The following SLC2A13 variants were observed in gnomAD, a reference collection of about 807,000 sequenced individuals.
SLC2A13 encodes solute carrier family 2 member 13, also known as proton myo-inositol cotransporter.
A neutral mutation model predicts 64.4 loss-of-function variants in SLC2A13; 32 were observed. The ratio of observed to expected loss-of-function variants is 0.50; its 90% CI spans 0.37 to 0.67. The LOEUF (loss-of-function observed/expected upper bound fraction) is 0.67. Among genes scored for constraint, SLC2A13 ranks in the 30% least tolerant of loss-of-function variants. The pLI, the probability that SLC2A13 is intolerant of heterozygous loss-of-function variation, is 0.00. For missense variants in SLC2A13, 743 were observed against 829.2 expected, an observed-to-expected ratio of 0.90 and a Z score of 1.28; for synonymous variants, 338 against 327.1, an observed-to-expected ratio of 1.03 and a Z score of -0.36.
chr12:39,927,009 A>G (rs1176785075), intron 4 of SLC2A13, among the ~76,000 whole-genome samples: 1 of 152,242 alleles, frequency 6.6e-6, no homozygotes, highest in Non-Finnish European at 1.5e-5. Context: ...GACAATTGAT[A>G]AAGCAATCCA....
chr12:40,080,386 G>A lies in SLC2A13; in HGVS notation c.556+24867C>T, dbSNP rs139913113. Among the ~76,000 whole-genome samples the A allele has an allele frequency of 2.1e-3, 325 of 152,040 alleles. 3 individuals are homozygous for A. The highest frequency in any genetic ancestry group is 7.3e-3 in the African/African-American group (303 of 41,494). On this transcript the variant is annotated intron_variant, in intron 1 of 9. Coordinates refer to ENST00000280871, the MANE Select transcript of SLC2A13 (RefSeq NM_052885.4). Reference sequence around the variant, plus strand: ...CAAAGTGGGCATTTATCCTGTTTATGTTCAAGGTTTTGTTTTGTTTTTGAG... The same window carrying A: ...CAAAGTGGGCATTTATCCTGTTTATATTCAAGGTTTTGTTTTGTTTTTGAG...
Position 40,048,151 on chromosome 12 carries a change from C to A in SLC2A13, c.616G>T (p.Gly206Cys). The A allele has an allele frequency of 6.2e-7, 1 of 1,613,630 alleles. No homozygotes were observed. The highest frequency in any genetic ancestry group is 8.5e-7 in the Non-Finnish European group (1 of 1,179,766). ...IAEVSPPNLR[G>C]RLVTINTLFI... is the part of the protein sequence containing the mutation. Reference sequence around the variant, plus strand: ...AGGGTATTAATGGTGACTAATCGGCCTCTTAAATTGGGTGGTGAGACCTCC... The same window carrying A: ...AGGGTATTAATGGTGACTAATCGGCATCTTAAATTGGGTGGTGAGACCTCC... Residue 206 changes from glycine (G) to cysteine (C), a missense_variant, in exon 2 of 10, where the codon GGC becomes TGC. This residue lies in a region of SLC2A13 where 448 missense variants were observed against 447.4 expected (regional missense o/e 1.00). Transcript: ENST00000280871.
chr12:39,893,543 G>A (rs561876835), intron 4 of SLC2A13, among the ~76,000 whole-genome samples: 1 of 152,286 alleles, frequency 6.6e-6, no homozygotes, highest in South Asian at 2.1e-4. Context: ...CAGGTGATCT[G>A]CCCGCCTTGG....
intron 1 of SLC2A13, among the ~76,000 whole-genome samples, chr12:40,091,954 T>C (rs1163253386): frequency 6.6e-6 from 1 of 152,194 alleles, no homozygotes; most frequent in African/African-American, 2.4e-5. Context: ...AATAACTCTA[T>C]GAATTAGGTT....
chr12:40,095,591 C>T (rs894597137), intron 1 of SLC2A13, among the ~76,000 whole-genome samples: 1 of 152,202 alleles, frequency 6.6e-6, no homozygotes, highest in Non-Finnish European at 1.5e-5. Context: ...GGAGGTTCCT[C>T]CTAGCTTTTT....
At chr12:39,934,354 G>A (rs774381338) in intron 4 of SLC2A13, among the ~76,000 whole-genome samples, 19 of 152,174 alleles carry the variant, frequency 1.2e-4, no homozygotes, top group East Asian at 3.8e-4. Flanking sequence ...AATGCTAATC[G>A]AATGTTGATT....
chr12:40,087,533 C>T (rs967421984), intron 1 of SLC2A13, among the ~76,000 whole-genome samples: 12 of 152,294 alleles, frequency 7.9e-5, no homozygotes, highest in African/African-American at 2.2e-4. Context: ...AATTTCTACA[C>T]ATTCTTCTGT....
intron 3 of SLC2A13, among the ~76,000 whole-genome samples, chr12:39,966,991 G>C (rs1013442951): frequency 9.2e-5 from 14 of 151,952 alleles, no homozygotes; most frequent in Non-Finnish European, 1.8e-4. Context: ...ATCTACATAT[G>C]GCTGTTTTAT....
chr12:40,089,029 A>G (rs1017769430), intron 1 of SLC2A13, among the ~76,000 whole-genome samples: 1 of 152,200 alleles, frequency 6.6e-6, no homozygotes, highest in African/African-American at 2.4e-5. Flanking sequence ...CTTTAAGAGC[A>G]CAAGATTATT....
chr12:40,045,894 C>CT (rs540180064), intron 2 of SLC2A13, among the ~76,000 whole-genome samples: 2 of 152,244 alleles, frequency 1.3e-5, no homozygotes, highest in East Asian at 3.9e-4. Context: ...CACTTTAAAT[C>CT]TTTTTTTCTC....
At chr12:39,914,171 G>C (rs10877772) in intron 4 of SLC2A13, among the ~76,000 whole-genome samples, 1 of 151,720 alleles carries the variant, frequency 6.6e-6, no homozygotes, top group Non-Finnish European at 1.5e-5. Context: ...CTGCATGTCC[G>C]AGGCTGTGTG....
intron 1 of SLC2A13, among the ~76,000 whole-genome samples, chr12:40,071,766 T>A (rs948800531): frequency 1.3e-4 from 20 of 152,150 alleles, no homozygotes; most frequent in African/African-American, 4.8e-4. Flanking sequence ...GTCCATGGAA[T>A]CTGTAGTGCT....
chr12:39,931,324 T>C (rs1032360062), intron 4 of SLC2A13, among the ~76,000 whole-genome samples: 3 of 152,178 alleles, frequency 2.0e-5, no homozygotes, highest in African/African-American at 7.2e-5. Flanking sequence ...TAATGCCTGC[T>C]ACTAAATGAG....
chr12:39,821,209 C>T (rs1003648571), intron 7 of SLC2A13, among the ~76,000 whole-genome samples: 1 of 151,990 alleles, frequency 6.6e-6, no homozygotes, highest in Non-Finnish European at 1.5e-5. Flanking sequence ...GTCAGGAGAT[C>T]GAGACCATCC....
At chr12:39,892,037 A>C (rs1944623817) in intron 4 of SLC2A13, among the ~76,000 whole-genome samples, 1 of 152,202 alleles carries the variant, frequency 6.6e-6, no homozygotes, top group South Asian at 2.1e-4. Context: ...TCCTATAAAG[A>C]AGAGAAGATC....
intron 7 of SLC2A13, among the ~76,000 whole-genome samples, chr12:39,786,170 AG>A (rs1566787580): frequency 6.6e-6 from 1 of 152,152 alleles, no homozygotes; most frequent in Non-Finnish European, 1.5e-5. Context: ...TCTCAACTTG[AG>A]GTATATCTCC....
chr12:39,847,086 C>T (rs1943338334), intron 6 of SLC2A13, among the ~76,000 whole-genome samples: 1 of 152,152 alleles, frequency 6.6e-6, no homozygotes, highest in African/African-American at 2.4e-5. Flanking sequence ...AAGACAACCA[C>T]ATTTCTTGTC....
At chr12:39,822,996 A>G (rs867285135) in intron 7 of SLC2A13, among the ~76,000 whole-genome samples, 4 of 152,190 alleles carry the variant, frequency 2.6e-5, no homozygotes, top group Admixed American at 1.3e-4. Flanking sequence ...CGAGTCTGCA[A>G]TATAGTCACT....
chr12:39,982,536 GACAA>G (rs1555146680), intron 3 of SLC2A13, among the ~76,000 whole-genome samples: 5 of 151,010 alleles, frequency 3.3e-5, no homozygotes, highest in African/African-American at 4.9e-5. Context: ...ACCAACAACA[GACAA>G]ACAGAGAGCC....
Sources: allele counts gnomAD v4.1 joint callset (sites outside exome capture counted in the v4.1 genomes callset), GRCh38; gene constraint gnomAD v4.1.1; regional missense constraint gnomAD v4.1.1; transcripts MANE v1.5; gene names NCBI Gene and HGNC (gene_info 2026-07-23, HGNC 2026-07-21).